PBX1: variants seen among roughly 807,000 people sequenced by gnomAD.
The protein encoded by PBX1 is pre-B-cell leukemia transcription factor 1.
PBX1 carries 6 observed loss-of-function variants against 53.4 expected under a neutral mutation model. The observed-to-expected ratio is 0.11, with a 90% confidence interval of 0.06 to 0.22. PBX1 has a LOEUF of 0.22. Ranked by LOEUF, PBX1 falls within the 10% of genes least tolerant of loss-of-function variation. The probability of loss-of-function intolerance (pLI) is 1.00; values close to 1 mark genes in which losing one functional copy is unlikely to be tolerated. For synonymous variants in PBX1, 204 were observed against 212.3 expected (o/e 0.96, Z 0.34); for missense variants, 251 against 551.4 (o/e 0.46, Z 5.46).
At chr1:164,726,015 G>C (rs952679523) in intron 2 of PBX1, among the ~76,000 whole-genome samples, 5 of 152,148 alleles carry the variant, frequency 3.3e-5, no homozygotes, top group African/African-American at 1.2e-4. Context: ...GTTTCTGACT[G>C]CCCTGGGTGA....
intron 6 of PBX1, chr1:164,816,523 A>G (rs1669886688): frequency 6.6e-6 from 1 of 152,202 alleles, no homozygotes; most frequent in African/African-American, 2.4e-5. Context: ...GGAAAAAGTA[A>G]ATCCGTTCTT....
At chr1:164,560,451 C>CT (rs1329193265) in intron 1 of PBX1, 1 of 356,024 alleles carries the variant, frequency 2.8e-6, no homozygotes, top group Non-Finnish European at 5.0e-6. Flanking sequence ...CCCAAGAACA[C>CT]TTTATTTGCA....
At chr1:164,806,437 G>T (rs1345767825) in intron 4 of PBX1, among the ~76,000 whole-genome samples, 1 of 152,102 alleles carries the variant, frequency 6.6e-6, no homozygotes, top group Non-Finnish European at 1.5e-5. Context: ...GCTGTTGGGG[G>T]TTAATTTCAG....
chr1:164,666,038 C>T (rs2635036), intron 2 of PBX1, among the ~76,000 whole-genome samples: 138,097 of 152,176 alleles, frequency 0.91, 63,463 homozygotes, highest in Non-Finnish European at 0.98. Context: ...GTATGGGATT[C>T]TCAGTGTTGG....
intron 2 of PBX1, among the ~76,000 whole-genome samples, chr1:164,686,161 C>A (rs887195879): frequency 6.6e-6 from 1 of 152,178 alleles, no homozygotes; most frequent in Non-Finnish European, 1.5e-5. Context: ...GTGTAAAGGC[C>A]TAACACCCAG....
intron 2 of PBX1, among the ~76,000 whole-genome samples, chr1:164,867,495 G>T (rs1310601370): frequency 6.6e-6 from 1 of 152,226 alleles, no homozygotes; most frequent in South Asian, 2.1e-4. Context: ...TCATGCACAG[G>T]TGCCCAAGGC....
chr1:164,702,480 T>G (rs1335518684), intron 2 of PBX1, among the ~76,000 whole-genome samples: 1 of 152,160 alleles, frequency 6.6e-6, no homozygotes, highest in African/African-American at 2.4e-5. Flanking sequence ...CATATTGGAG[T>G]TGACTCTTCA....
At chr1:164,789,060 T>C (rs1668353126) in intron 2 of PBX1, among the ~76,000 whole-genome samples, 1 of 152,166 alleles carries the variant, frequency 6.6e-6, no homozygotes, top group African/African-American at 2.4e-5. Context: ...AATGTATCCT[T>C]CATACCTGAA....
intron 2 of PBX1, among the ~76,000 whole-genome samples, chr1:164,604,025 C>G (rs1656386646): frequency 6.9e-6 from 1 of 144,556 alleles, no homozygotes; most frequent in Admixed American, 7.2e-5. Context: ...ACTGCAGCCT[C>G]TGCCTCCCAG....
intron 4 of PBX1, among the ~76,000 whole-genome samples, chr1:164,805,407 G>A (rs913309810): frequency 8.5e-5 from 13 of 152,088 alleles, no homozygotes; most frequent in African/African-American, 3.1e-4. Context: ...AGTGATAAGC[G>A]AGTCCATCAG....
At chr1:164,673,447 C>T (rs115289060) in intron 2 of PBX1, among the ~76,000 whole-genome samples, 1 of 144,530 alleles carries the variant, frequency 6.9e-6, no homozygotes. Context: ...GCATTTTTTT[C>T]TTCTGGAAAA....
chr1:164,607,417 G>T (rs910620689), intron 2 of PBX1, among the ~76,000 whole-genome samples: 2 of 152,136 alleles, frequency 1.3e-5, no homozygotes, highest in Non-Finnish European at 2.9e-5. Context: ...TAATACCAAG[G>T]TTTCTAGTTT....
intron 2 of PBX1, among the ~76,000 whole-genome samples, chr1:164,678,559 T>G (rs1423903760): frequency 6.6e-6 from 1 of 152,168 alleles, no homozygotes; most frequent in Non-Finnish European, 1.5e-5. Context: ...GAGTGAAAAG[T>G]CTTGGGAACC....
intron 2 of PBX1, among the ~76,000 whole-genome samples, chr1:164,778,200 C>T (rs1159878872): frequency 6.6e-6 from 1 of 152,176 alleles, no homozygotes; most frequent in African/African-American, 2.4e-5. Flanking sequence ...CATTACCAAA[C>T]AGATCAAAAA....
At chr1:164,691,433 A>C (rs921355949) in intron 2 of PBX1, among the ~76,000 whole-genome samples, 5 of 152,198 alleles carry the variant, frequency 3.3e-5, no homozygotes, top group African/African-American at 1.2e-4. Flanking sequence ...TTTCCTTATG[A>C]GGAGTAATTT....
chr1:164,776,978 A>AGAGGGGAGGTGTGGGGG (rs1553244687), intron 2 of PBX1, among the ~76,000 whole-genome samples: 1 of 46,442 alleles, frequency 2.2e-5, no homozygotes, highest in African/African-American at 1.2e-4. Context: ...AGAGAGAGAG[A>AGAGGGGAGGTGTGGGGG]GGAGGTGTGG....
chr1:164,711,380 C>T (rs1252947444), intron 2 of PBX1, among the ~76,000 whole-genome samples: 1 of 152,204 alleles, frequency 6.6e-6, no homozygotes, highest in Non-Finnish European at 1.5e-5. Context: ...TCTCCTGCCT[C>T]AGCCTCCCGA....
chr1:164,859,832 C>T (rs887725079), intron 2 of PBX1, among the ~76,000 whole-genome samples: 7 of 152,212 alleles, frequency 4.6e-5, no homozygotes, highest in African/African-American at 1.7e-4. Context: ...AAACAAAACA[C>T]AACCCAAATC....
chr1:164,732,755 C>CT (rs1665066338), intron 2 of PBX1, among the ~76,000 whole-genome samples: 1 of 152,074 alleles, frequency 6.6e-6, no homozygotes, highest in Non-Finnish European at 1.5e-5. Flanking sequence ...TTGATGTTTC[C>CT]TTCTCTGTAG....
Sources: allele counts gnomAD v4.1 joint callset (sites outside exome capture counted in the v4.1 genomes callset), GRCh38; gene constraint gnomAD v4.1.1; transcripts MANE v1.5; gene names NCBI Gene and HGNC (gene_info 2026-07-23, HGNC 2026-07-21).